Variants in PCSK5 observed in about 807,000 individuals in gnomAD.
The protein encoded by PCSK5 is proprotein convertase subtilisin/kexin type 5, also known as prohormone convertase 5.
In PCSK5, 129 loss-of-function variants were observed where a neutral mutation model predicts 233.2. The ratio of observed to expected loss-of-function variants is 0.55; its 90% CI spans 0.48 to 0.64. The LOEUF is 0.64. PCSK5 is among the 30% of genes least tolerant of loss of function. The pLI is 0.00. For missense variants in PCSK5, 2,076 were observed against 2,430.1 expected (o/e 0.85, Z 3.06); for synonymous variants, 825 against 879.2 (o/e 0.94, Z 1.09).
intron 20 of PCSK5, among the ~76,000 whole-genome samples, chr9:76,224,143 T>C (rs1419836877): frequency 6.6e-6 from 1 of 151,966 alleles, no homozygotes; most frequent in Non-Finnish European, 1.5e-5. Context: ...TTCCAAATAG[T>C]AGGAGGAAAA....
chr9:75,951,550 A>G (rs1319460428), intron 2 of PCSK5, among the ~76,000 whole-genome samples: 2 of 152,200 alleles, frequency 1.3e-5, no homozygotes, highest in East Asian at 3.8e-4. Flanking sequence ...CTTCAAAAGG[A>G]TAGACATAGA....
chr9:76,238,253 C>T (rs182278007), intron 22 of PCSK5, among the ~76,000 whole-genome samples: 81 of 152,284 alleles, frequency 5.3e-4, no homozygotes, highest in African/African-American at 1.8e-3. Flanking sequence ...AATTGTGATG[C>T]TTTGTAACTA....
intron 12 of PCSK5, among the ~76,000 whole-genome samples, chr9:76,165,403 C>T (rs1401105875): frequency 6.6e-6 from 1 of 152,154 alleles, no homozygotes; most frequent in East Asian, 1.9e-4. Flanking sequence ...CATAACATCA[C>T]AGAAGAATGC....
At chr9:75,983,043 T>C (rs745967178) in intron 2 of PCSK5, among the ~76,000 whole-genome samples, 1 of 152,160 alleles carries the variant, frequency 6.6e-6, no homozygotes, top group Non-Finnish European at 1.5e-5. Flanking sequence ...CCCTACTGAT[T>C]TAGAATAATA....
intron 7 of PCSK5, among the ~76,000 whole-genome samples, chr9:76,075,104 C>A (rs1830599412): frequency 6.6e-6 from 1 of 152,082 alleles, no homozygotes; most frequent in Non-Finnish European, 1.5e-5. Flanking sequence ...CCTGTAATCC[C>A]AACTACTCAA....
At chr9:76,076,860 G>C (rs1268783265) in intron 7 of PCSK5, among the ~76,000 whole-genome samples, 1 of 152,124 alleles carries the variant, frequency 6.6e-6, no homozygotes, top group African/African-American at 2.4e-5. Context: ...ATAAAATTAA[G>C]TGCAAGAGTT....
intron 9 of PCSK5, among the ~76,000 whole-genome samples, chr9:76,120,333 G>T (rs1202925673): frequency 6.6e-6 from 1 of 151,786 alleles, no homozygotes; most frequent in East Asian, 1.9e-4. Context: ...ATTCTTATTT[G>T]TTCATATTCC....
intron 12 of PCSK5, 82 bp downstream of exon 12, chr9:76,159,253 C>G (rs1460483706): frequency 7.8e-7 from 1 of 1,276,316 alleles, no homozygotes; most frequent in East Asian, 2.4e-5. Context: ...ACAGCTGCTG[C>G]TTTCACCTAA....
chr9:76,003,591 T>G (rs1192819503), intron 3 of PCSK5, among the ~76,000 whole-genome samples: 1 of 152,238 alleles, frequency 6.6e-6, no homozygotes, highest in Non-Finnish European at 1.5e-5. Flanking sequence ...TTCCAGACAT[T>G]GTGAAAATAC....
chr9:76,109,593 G>A (rs1458892680), intron 9 of PCSK5, among the ~76,000 whole-genome samples: 6 of 144,946 alleles, frequency 4.1e-5, no homozygotes, highest in Non-Finnish European at 7.5e-5. Flanking sequence ...TGCGTTTTGA[G>A]CATTTTTAAA....
At chr9:75,978,698 T>G (rs1210077296) in intron 2 of PCSK5, among the ~76,000 whole-genome samples, 2 of 152,162 alleles carry the variant, frequency 1.3e-5, no homozygotes, top group Non-Finnish European at 2.9e-5. Context: ...TTAAATTGTT[T>G]AGCAAGATTC....
intron 2 of PCSK5, among the ~76,000 whole-genome samples, chr9:75,963,952 G>A (rs1294606866): frequency 6.6e-6 from 1 of 152,142 alleles, no homozygotes; most frequent in Non-Finnish European, 1.5e-5. Context: ...CTTAGGAGTG[G>A]GTTCACATCC....
Position 76,289,539 on chromosome 9 carries a change from C to T in PCSK5, c.3143-2694C>T, listed in dbSNP as rs184710592. Among the ~76,000 whole-genome samples the T allele has an allele frequency of 1.7e-4, 23 of 136,628 alleles. 1 individual carries two copies. In the East Asian group the frequency reaches 4.2e-3, roughly 25 times the overall value. 89.6% of individuals were successfully genotyped at this position (136,628 alleles called of 152,430 possible). A position where few individuals can be genotyped will look rare whatever the true frequency, so the allele number is the denominator to read the frequency against. ...ACATACACACACACACACACACACA[C>T]ACACACACTAGAAGCCAGGAAAATT... On this transcript the variant is annotated intron_variant, in intron 24 of 37. Coordinates refer to ENST00000674117, the MANE Select transcript of PCSK5 (RefSeq NM_001372043.1).
chr9:76,094,792 T>C (rs779361918), intron 7 of PCSK5, among the ~76,000 whole-genome samples: 104 of 152,152 alleles, frequency 6.8e-4, no homozygotes, highest in Non-Finnish European at 8.8e-5. Context: ...GTATTTTCAG[T>C]AGAGATAGAG....
At chr9:76,260,813 T>C (rs1012321328) in intron 24 of PCSK5, among the ~76,000 whole-genome samples, 9 of 152,348 alleles carry the variant, frequency 5.9e-5, no homozygotes, top group African/African-American at 9.6e-5. Context: ...AAATTTGTTA[T>C]GGCAGCAATA....
chr9:75,899,306 T>C (rs1287589532), intron 1 of PCSK5, among the ~76,000 whole-genome samples: 3 of 152,218 alleles, frequency 2.0e-5, no homozygotes, highest in Non-Finnish European at 4.4e-5. Context: ...TACATATACA[T>C]AGTGAAATGA....
chr9:76,332,855 C>T (rs550659790), intron 34 of PCSK5, among the ~76,000 whole-genome samples: 29 of 152,324 alleles, frequency 1.9e-4, no homozygotes, highest in Admixed American at 1.6e-3. Flanking sequence ...ATTGATCTTC[C>T]TCAACGACAG....
intron 10 of PCSK5, among the ~76,000 whole-genome samples, chr9:76,151,202 T>C (rs183103306): frequency 6.6e-6 from 1 of 152,186 alleles, no homozygotes; most frequent in East Asian, 1.9e-4. Context: ...GTTCAGCACA[T>C]TGAGGATCAA....
intron 24 of PCSK5, among the ~76,000 whole-genome samples, chr9:76,288,903 T>C (rs1322844589): frequency 6.6e-6 from 1 of 152,204 alleles, no homozygotes; most frequent in African/African-American, 2.4e-5. Context: ...GTGGCCCTCA[T>C]CCATCCAAAT....
Sources: allele counts gnomAD v4.1 joint callset (sites outside exome capture counted in the v4.1 genomes callset), GRCh38; gene constraint gnomAD v4.1.1; transcripts MANE v1.5; gene names NCBI Gene and HGNC (gene_info 2026-07-23, HGNC 2026-07-21).